Variants in DAB1 observed in about 807,000 individuals in gnomAD.
DAB1 encodes the protein DAB adaptor protein 1, also known as disabled homolog 1.
In DAB1, 15 loss-of-function variants were observed where a neutral mutation model predicts 64.6. The ratio of observed to expected loss-of-function variants is 0.23; its 90% CI spans 0.16 to 0.36. DAB1 has a LOEUF of 0.36. Among genes scored for constraint, DAB1 ranks in the 10% least tolerant of loss-of-function variants. The pLI is 1.00. For missense variants in DAB1, 596 were observed against 706.7 expected (o/e 0.84, Z 1.78); for synonymous variants, 235 against 251.9 (o/e 0.93, Z 0.64).
At chr1:57,638,597 A>T in intron 7 of DAB1, among the ~76,000 whole-genome samples, 1 of 152,196 alleles carries the variant, frequency 6.6e-6, no homozygotes, top group East Asian at 1.9e-4. Context: ...AATGCTCAGG[A>T]TTATCACCTA....
chr1:57,425,250 CCTTCCTT>C (rs1183961821), upstream of DAB1, among the ~76,000 whole-genome samples: 1 of 152,110 alleles, frequency 6.6e-6, no homozygotes, highest in Non-Finnish European at 1.5e-5. Context: ...GGCAGGCAAC[CCTTCCTT>C]AAAAAGTTTA....
At chr1:57,305,962 C>T (rs929302080) in intron 1 of DAB1, among the ~76,000 whole-genome samples, 2 of 143,868 alleles carry the variant, frequency 1.4e-5, no homozygotes, top group South Asian at 4.4e-4. Flanking sequence ...GAGCAAGACT[C>T]CGTCTCAAAA....
chr1:57,254,625 ACCT>A (rs3042221), intron 2 of DAB1, among the ~76,000 whole-genome samples: 7,069 of 152,152 alleles, frequency 0.046, 533 homozygotes, highest in African/African-American at 0.16. Flanking sequence ...ACCATGGCTA[ACCT>A]CCTAAAAACA....
At position 57,084,179 on chromosome 1, in the gene DAB1, G is replaced by T. The variant is rs1271283904; in HGVS notation, c.307-11765C>A. On this transcript the variant is annotated intron_variant, in intron 4 of 14. Coordinates refer to ENST00000371236, the MANE Select transcript of DAB1 (RefSeq NM_001365792.1). ...ATTTATTTAAGATGAGATCATACAG[G>T]GTGGCCCACTGATTCAATATGAATG... Among the ~76,000 whole-genome samples the T allele has an allele frequency of 2.0e-5, 3 of 152,260 alleles. No homozygotes were observed. In the East Asian group the frequency reaches 5.8e-4, roughly 29 times the overall value.
At chr1:57,380,156 T>C (rs1268866154) in intron 1 of DAB1, among the ~76,000 whole-genome samples, 1 of 152,126 alleles carries the variant, frequency 6.6e-6, no homozygotes, top group Non-Finnish European at 1.5e-5. Context: ...ACAACAACCC[T>C]CTGAAGTAGG....
intron 5 of DAB1, among the ~76,000 whole-genome samples, chr1:58,058,872 A>G (rs549652428): frequency 6.6e-6 from 1 of 152,364 alleles, no homozygotes; most frequent in African/African-American, 2.4e-5. Flanking sequence ...ACTAAGTGCC[A>G]GACTTTCTGC....
intron 2 of DAB1, among the ~76,000 whole-genome samples, chr1:57,276,733 C>T (rs1204142591): frequency 1.3e-5 from 2 of 152,162 alleles, no homozygotes; most frequent in African/African-American, 4.8e-5. Context: ...ATCTGAACCC[C>T]AAGAATGTTT....
At chr1:58,361,592 G>C (rs1215266325) in intron 3 of DAB1, among the ~76,000 whole-genome samples, 1 of 152,154 alleles carries the variant, frequency 6.6e-6, no homozygotes, top group Non-Finnish European at 1.5e-5. Context: ...GTATAAGTTA[G>C]TGTATAGGTT....
At chr1:57,396,455 G>GA (rs1352217564) in intron 1 of DAB1, among the ~76,000 whole-genome samples, 1 of 152,026 alleles carries the variant, frequency 6.6e-6, no homozygotes, top group African/African-American at 2.4e-5. Context: ...ACATTTGGGG[G>GA]AAAAAACACT....
intron 4 of DAB1, among the ~76,000 whole-genome samples, chr1:58,211,716 C>A (rs571135955): frequency 5.0e-4 from 76 of 152,272 alleles, no homozygotes; most frequent in Non-Finnish European, 7.4e-4. Context: ...CTTAAAACAA[C>A]TCATTATTTT....
intron 2 of DAB1, among the ~76,000 whole-genome samples, chr1:57,149,787 AT>A (rs1331330485): frequency 6.6e-6 from 1 of 151,850 alleles, no homozygotes; most frequent in African/African-American, 2.4e-5. Flanking sequence ...ATTTAGCCTC[AT>A]TTTTTCGTGT....
intron 5 of DAB1, among the ~76,000 whole-genome samples, chr1:58,075,320 TC>T (rs1205792261): frequency 6.6e-6 from 1 of 152,232 alleles, no homozygotes; most frequent in African/African-American, 2.4e-5. Context: ...GTACTTCTCC[TC>T]CCCGTGAAAG....
chr1:57,514,375 C>T (rs756795826), intron 7 of DAB1, among the ~76,000 whole-genome samples: 10 of 152,186 alleles, frequency 6.6e-5, no homozygotes, highest in African/African-American at 9.6e-5. Flanking sequence ...GTCCGTTTAA[C>T]AGGTGTGAGT....
chr1:58,389,080 A>C (rs779708933), intron 3 of DAB1, among the ~76,000 whole-genome samples: 24 of 152,202 alleles, frequency 1.6e-4, no homozygotes, highest in Non-Finnish European at 3.1e-4. Flanking sequence ...GAGGGTCATC[A>C]ATCCTTCATG....
rs189069443 is a variant in DAB1 at position 57,706,947 on chromosome 1, G to T, written n.552-57282C>A. 1.0e-3 allele frequency among the ~76,000 whole-genome samples: 153 copies of T among 152,038 alleles called. 1 individual carries two copies. The highest frequency in any genetic ancestry group is 1.9e-3 in the South Asian group (9 of 4,808). On this transcript the variant is annotated intron_variant and non_coding_transcript_variant, in intron 6 of 20. Transcript: ENST00000485760. ...AAATTAGCCGGGCGTGGTGGCAGGCGCCTGTAATTGCAGCTATTCAGGAGG... is the reference window on the plus strand; with the variant it reads ...AAATTAGCCGGGCGTGGTGGCAGGCTCCTGTAATTGCAGCTATTCAGGAGG...
At chr1:58,063,457 A>C (rs1448176850) in intron 5 of DAB1, among the ~76,000 whole-genome samples, 2 of 152,192 alleles carry the variant, frequency 1.3e-5, no homozygotes, top group Non-Finnish European at 2.9e-5. Context: ...CCTAAAGTCC[A>C]GTGTATAGCC....
At chr1:57,590,738 ACACAC>A (rs1219561576) in intron 7 of DAB1, among the ~76,000 whole-genome samples, 1 of 17,070 alleles carries the variant, frequency 5.9e-5, no homozygotes, top group Non-Finnish European at 3.5e-4. Context: ...AGTCCGTAAC[ACACAC>A]ACACACACAC....
chr1:58,457,649 C>T (rs1391655758), intron 3 of DAB1, among the ~76,000 whole-genome samples: 2 of 152,198 alleles, frequency 1.3e-5, no homozygotes, highest in African/African-American at 2.4e-5. Context: ...CATGGAGTCT[C>T]ATCATTAATT....
chr1:57,431,889 C>A (rs1187828725), intron 7 of DAB1, among the ~76,000 whole-genome samples: 1 of 152,048 alleles, frequency 6.6e-6, no homozygotes, highest in African/African-American at 2.4e-5. Flanking sequence ...TTTGGGAGGC[C>A]GAGGCCGGCA....
Sources: allele counts gnomAD v4.1 joint callset (sites outside exome capture counted in the v4.1 genomes callset), GRCh38; gene constraint gnomAD v4.1.1; transcripts MANE v1.5; gene names NCBI Gene and HGNC (gene_info 2026-07-23, HGNC 2026-07-21).